The following NUP98 variants were observed in gnomAD, a reference collection of about 807,000 sequenced individuals.
NUP98 encodes the protein nuclear pore complex protein Nup98-Nup96.
In NUP98, 26 loss-of-function variants were observed where a neutral mutation model predicts 191.9. The observed-to-expected ratio is 0.14, with a 90% CI of 0.10 to 0.19. NUP98 has a LOEUF of 0.19. Among genes scored for constraint, NUP98 ranks in the 10% least tolerant of loss-of-function variants. The pLI, the probability that NUP98 is intolerant of heterozygous loss-of-function variation, is 1.00. For synonymous variants in NUP98, 808 were observed against 778.4 expected, an observed-to-expected ratio of 1.04 and a Z score of -0.63; for missense variants, 1,941 against 2,178.8, an observed-to-expected ratio of 0.89 and a Z score of 2.17.
intron 29 of NUP98, among the ~76,000 whole-genome samples, chr11:3,683,977 G>A (rs992729286): frequency 2.8e-5 from 4 of 145,360 alleles, no homozygotes; most frequent in Non-Finnish European, 4.6e-5. Context: ...GGAGGTCAAG[G>A]TGGGTGGATC....
In NUP98 at chr11:3,771,803, G is replaced by C. The variant is rs1437080263; in HGVS notation, c.729C>G (p.Ser243=). ...ATGCAAAGCCTGAATTAGTGGTGGA[G>C]GAGCTGAAGAGTCCTGTTGCGCTGG... The part of the protein sequence containing the change: ...ATSSATGLFS[S]STTNSGFAYG... Residue 243 remains serine, a synonymous_variant, in exon 7 of 33, where the codon TCC becomes TCG. Transcript: ENST00000324932. 1.9e-6 allele frequency: 3 copies of C among 1,614,092 alleles called. No individual in the cohort carries two copies. The East Asian group carries it at 6.7e-5, about 36-fold the overall frequency.
intron 18 of NUP98, among the ~76,000 whole-genome samples, chr11:3,716,529 C>CA (rs1420452047): frequency 6.6e-6 from 1 of 151,396 alleles, no homozygotes; most frequent in Non-Finnish European, 1.5e-5. Context: ...GGCAACAAGG[C>CA]AAAACCTCAT....
intron 7 of NUP98, among the ~76,000 whole-genome samples, chr11:3,770,483 T>A (rs1464642630): frequency 6.8e-6 from 1 of 147,140 alleles, no homozygotes; most frequent in African/African-American, 2.5e-5. Context: ...TAAAACCCTG[T>A]CTCAAGAAAA....
intron 10 of NUP98, among the ~76,000 whole-genome samples, chr11:3,755,750 G>C (rs2080938439): frequency 6.6e-6 from 1 of 152,168 alleles, no homozygotes. Context: ...GGATCACAAG[G>C]TCAGGTGTTC....
At chr11:3,715,425 G>T (rs1014729425) in intron 18 of NUP98, among the ~76,000 whole-genome samples, 3 of 151,354 alleles carry the variant, frequency 2.0e-5, no homozygotes, top group Non-Finnish European at 2.9e-5. Flanking sequence ...GAGCCACCAC[G>T]CCCGGCCATT....
chr11:3,763,427 T>C (rs2081239705), intron 8 of NUP98, among the ~76,000 whole-genome samples: 1 of 152,206 alleles, frequency 6.6e-6, no homozygotes, highest in Non-Finnish European at 1.5e-5. Flanking sequence ...GTCTAGGTCC[T>C]TCATTTTCAA....
chr11:3,756,504 C>G (rs925582312), intron 10 of NUP98, among the ~76,000 whole-genome samples: 11 of 152,060 alleles, frequency 7.2e-5, no homozygotes, highest in African/African-American at 2.4e-4. Context: ...ATCACTGCAA[C>G]TTCTGCCTCC....
In NUP98 at chr11:3,700,687, G is replaced by C. The variant is rs780914255; in HGVS notation, c.3665C>G (p.Pro1222Arg). The C allele has an allele frequency of 1.9e-6, 3 of 1,614,140 alleles. No individual in the cohort carries two copies. Among genetic ancestry groups the C allele is most frequent in the Non-Finnish European group, 2.5e-6 (3 of 1,180,026 alleles). Reference sequence around the variant, plus strand: ...ATGAATGACAGCAACTCCCAGATTGGGGACAATGAGAGGACACAGTTCATC... The same window carrying C: ...ATGAATGACAGCAACTCCCAGATTGCGGACAATGAGAGGACACAGTTCATC... ...HVDELCPLIV[P>R]NLGVAVIHDY... The change falls in exon 24 of 33, where the codon CCC (proline) becomes CGC (arginine). Residue 1222 changes from proline to arginine, a missense_variant. Physicochemically the swap from Pro to Arg is moderately radical, Grantham distance 103. Around this residue, in one of 6 missense-constraint regions of NUP98, gnomAD observed 1,030 missense variants for 1,115.8 expected, o/e 0.92. Transcript: ENST00000324932.
At chr11:3,792,493 C>A (rs1306641210) in intron 1 of NUP98, among the ~76,000 whole-genome samples, 1 of 151,942 alleles carries the variant, frequency 6.6e-6, no homozygotes, top group Non-Finnish European at 1.5e-5. Flanking sequence ...CACCTGTAGT[C>A]CCAGCTACTC....
intron 12 of NUP98, among the ~76,000 whole-genome samples, chr11:3,741,552 C>T (rs1225559008): frequency 6.6e-6 from 1 of 151,776 alleles, no homozygotes; most frequent in Non-Finnish European, 1.5e-5. Flanking sequence ...ATCCAGGAGG[C>T]GGATATAGAA....
At chr11:3,689,642 C>A (rs1258010384) in intron 28 of NUP98, among the ~76,000 whole-genome samples, 1 of 152,056 alleles carries the variant, frequency 6.6e-6, no homozygotes, top group African/African-American at 2.4e-5. Flanking sequence ...CTCTGCATTT[C>A]TTTCTTTTTT....
At chr11:3,724,590 G>A (rs568864068) in intron 15 of NUP98, among the ~76,000 whole-genome samples, 3 of 151,802 alleles carry the variant, frequency 2.0e-5, no homozygotes, top group South Asian at 2.1e-4. Flanking sequence ...TCAGGAGCTC[G>A]AGACCATCCT....
intron 22 of NUP98, among the ~76,000 whole-genome samples, chr11:3,703,218 T>A (rs898479513): frequency 6.8e-6 from 1 of 146,136 alleles, no homozygotes; most frequent in African/African-American, 2.5e-5. Flanking sequence ...TTCAAAAACT[T>A]TTTTTTTTTT....
chr11:3,747,147 T>C (rs1472643296), intron 11 of NUP98, among the ~76,000 whole-genome samples: 1 of 152,286 alleles, frequency 6.6e-6, no homozygotes, highest in Admixed American at 6.5e-5. Context: ...TTTGTCAAGA[T>C]AGGAAAAATG....
At position 3,773,540 on chromosome 11, in the gene NUP98, T is replaced by A. The variant is rs528544977; in HGVS notation, c.603+92A>T. 676 of 743,898 alleles carry A rather than the reference T, an allele frequency of 9.1e-4. 2 individuals carry two copies. In the Middle Eastern group the frequency reaches 9.3e-3, roughly 10 times the overall value. 46.1% of individuals were successfully genotyped at this position (743,898 alleles called of 1,614,324 possible). ...TTTACATAAACCCAAACTGAACCAC[T>A]CTATCCTAAAGAAAATCAAAACCAT... On this transcript the variant is annotated intron_variant, in intron 6 of 32. Coordinates refer to ENST00000324932, the MANE Select transcript of NUP98 (RefSeq NM_016320.5).
At chr11:3,690,443 G>A (rs905839444) in intron 28 of NUP98, among the ~76,000 whole-genome samples, 2 of 151,826 alleles carry the variant, frequency 1.3e-5, no homozygotes, top group East Asian at 3.9e-4. Context: ...TGTATTTTTA[G>A]TAGAGACAGG....
Position 3,731,463 on chromosome 11 carries a change from G to A in NUP98, c.1658C>T (p.Thr553Ile), listed in dbSNP as rs750336105. 6.2e-7 allele frequency: 1 copy of A among 1,608,716 alleles called. No individual in the cohort carries two copies. The highest frequency in any genetic ancestry group is 8.5e-7 in the Non-Finnish European group (1 of 1,177,298). Residue 553 changes from threonine (T) to isoleucine (I), a missense_variant, in exon 14 of 33, where the codon ACA becomes ATA. Around this residue, in one of 6 missense-constraint regions of NUP98, gnomAD observed 453 missense variants for 438.2 expected, o/e 1.03. Transcript: ENST00000324932. ...CCCATCAAAGAGATGTGACTTGGCT[G>A]TGCCTGTTGTTTGTAAAGCCTTTGG... ...VRPKALQTTG[T>I]AKSHLFDGLD...
At chr11:3,776,540 G>A (rs1389505036) in intron 4 of NUP98, among the ~76,000 whole-genome samples, 1 of 149,764 alleles carries the variant, frequency 6.7e-6, no homozygotes, top group African/African-American at 2.5e-5. Flanking sequence ...CTGGAGTGCA[G>A]TGGCGTGATC....
intron 1 of NUP98, among the ~76,000 whole-genome samples, chr11:3,784,605 A>ACAAAAAAAC (rs2082081814): frequency 7.0e-6 from 1 of 141,930 alleles, no homozygotes; most frequent in Non-Finnish European, 1.6e-5. Flanking sequence ...ACAAAAAAAA[A>ACAAAAAAAC]CAAAAAACAT....
Sources: allele counts gnomAD v4.1 joint callset (sites outside exome capture counted in the v4.1 genomes callset), GRCh38; gene constraint gnomAD v4.1.1; regional missense constraint gnomAD v4.1.1; transcripts MANE v1.5; gene names NCBI Gene and HGNC (gene_info 2026-07-23, HGNC 2026-07-21).